PIP4K2B: variants seen among roughly 807,000 people sequenced by gnomAD.
PIP4K2B encodes the protein phosphatidylinositol 5-phosphate 4-kinase type-2 beta.
PIP4K2B carries 3 observed loss-of-function variants against 42.0 expected under a neutral mutation model. The ratio of observed to expected loss-of-function variants is 0.07; its 90% CI spans 0.03 to 0.18. The LOEUF (loss-of-function observed/expected upper bound fraction) is 0.18, where lower values mean the gene tolerates loss of function less well. Among genes scored for constraint, PIP4K2B ranks in the 10% least tolerant of loss-of-function variants. The pLI is 1.00. For synonymous variants in PIP4K2B, 204 were observed against 210.1 expected, an observed-to-expected ratio of 0.97 and a Z score of 0.25; for missense variants, 332 against 562.3, an observed-to-expected ratio of 0.59 and a Z score of 4.14.
intron 1 of PIP4K2B, 106 bp from the exon 2 acceptor site, chr17:38,787,026 T>C (rs982514020): frequency 2.5e-6 from 2 of 793,444 alleles, no homozygotes; most frequent in Admixed American, 1.9e-5. Flanking sequence ...ATGTCCAAGT[T>C]TCCCTCTCTG....
chr17:38,791,864 C>T (rs931441749), intron 1 of PIP4K2B, among the ~76,000 whole-genome samples: 3 of 150,380 alleles, frequency 2.0e-5, no homozygotes, highest in African/African-American at 4.9e-5. Context: ...CCGAGGCGGG[C>T]GGATCATGAG....
intron 1 of PIP4K2B, among the ~76,000 whole-genome samples, chr17:38,798,455 G>A (rs1567665617): frequency 2.0e-5 from 3 of 152,104 alleles, no homozygotes; most frequent in Non-Finnish European, 2.9e-5. Context: ...GGACCCAGGG[G>A]ACCTATCTCT....
chr17:38,790,160 T>C (rs1296715791), intron 1 of PIP4K2B, among the ~76,000 whole-genome samples: 1 of 152,132 alleles, frequency 6.6e-6, no homozygotes, highest in African/African-American at 2.4e-5. Context: ...TGTGATACCC[T>C]TCATTGGCTA....
At chr17:38,784,092 T>G in intron 3 of PIP4K2B, 151 bp downstream of exon 3, 2 of 579,852 alleles carry the variant, frequency 3.4e-6, no homozygotes, top group South Asian at 2.2e-5. Flanking sequence ...GGGCCCCCAG[T>G]GCTGGGGGAG....
chr17:38,776,154 G>C (rs1398356192), intron 7 of PIP4K2B: 1 of 373,510 alleles, frequency 2.7e-6, no homozygotes, highest in African/African-American at 2.2e-5. Flanking sequence ...ATTTTCAGTA[G>C]AGACTGGGTT....
intron 1 of PIP4K2B, among the ~76,000 whole-genome samples, chr17:38,797,925 G>T (rs1910742048): frequency 6.6e-6 from 1 of 152,122 alleles, no homozygotes; most frequent in Non-Finnish European, 1.5e-5. Flanking sequence ...ATCCTGGCAG[G>T]ACCCTCACTA....
chr17:38,791,379 C>T (rs1910330026), intron 1 of PIP4K2B, among the ~76,000 whole-genome samples: 1 of 148,766 alleles, frequency 6.7e-6, no homozygotes, highest in South Asian at 2.1e-4. Context: ...GCATTCAAGG[C>T]CTTTCCTAAT....
intron 1 of PIP4K2B, among the ~76,000 whole-genome samples, chr17:38,788,495 C>T (rs142310426): frequency 2.6e-5 from 4 of 152,108 alleles, no homozygotes; most frequent in African/African-American, 9.6e-5. Flanking sequence ...CCACTGCGCC[C>T]GGCTGTAATA....
chr17:38,789,302 G>A (rs1910216462), intron 1 of PIP4K2B, among the ~76,000 whole-genome samples: 1 of 152,214 alleles, frequency 6.6e-6, no homozygotes, highest in South Asian at 2.1e-4. Flanking sequence ...GATGAGGGCA[G>A]ATCCTGCCCT....
At position 38,791,689 on chromosome 17, in the gene PIP4K2B, G is replaced by A. The variant is rs1292906364; in HGVS notation, c.160-4769C>T. On this transcript the variant is annotated intron_variant, in intron 1 of 9. Coordinates refer to ENST00000619039, the MANE Select transcript of PIP4K2B (RefSeq NM_003559.5). Reference sequence around the variant, plus strand: ...CTCCCAAAGTGCTAGGATTACAGGCGTGAGCCACCGCGCCCAGCCAGACTG... The same window carrying A: ...CTCCCAAAGTGCTAGGATTACAGGCATGAGCCACCGCGCCCAGCCAGACTG... Among the ~76,000 whole-genome samples the A allele has an allele frequency of 8.6e-5, 13 of 150,758 alleles. No individual in the cohort carries two copies. In the East Asian group the frequency reaches 2.4e-3, roughly 28 times the overall value.
At chr17:38,770,206 G>C (rs549303520) in intron 9 of PIP4K2B, among the ~76,000 whole-genome samples, 1 of 152,236 alleles carries the variant, frequency 6.6e-6, no homozygotes, top group South Asian at 2.1e-4. Flanking sequence ...CCGAGGGCTG[G>C]AGAACTGGGG....
intron 1 of PIP4K2B, among the ~76,000 whole-genome samples, chr17:38,796,510 A>T (rs1910668113): frequency 1.3e-5 from 2 of 152,192 alleles, no homozygotes; most frequent in South Asian, 4.1e-4. Context: ...TTCATCCACT[A>T]AAACACTGGT....
intron 2 of PIP4K2B, among the ~76,000 whole-genome samples, 172 bp from the exon 3 acceptor site, chr17:38,784,511 C>T (rs368333112): frequency 2.6e-5 from 4 of 152,140 alleles, no homozygotes; most frequent in South Asian, 2.1e-4. Flanking sequence ...GCTGGGATTA[C>T]GGGCATGAGC....
Position 38,784,318 on chromosome 17 carries a change from A to G in PIP4K2B, c.279T>C (p.Phe93=). Residue 93 remains phenylalanine, a synonymous_variant, in exon 3 of 10, where the codon TTT becomes TTC. Transcript: ENST00000619039. ...CCATGGGGCAATACTCCTTAAACTT[A>G]AAGCGGCTGGGCAGGTTCTCCCTAG... is the stretch of plus-strand genomic sequence containing the variant. ...LFNKENLPSR[F]KFKEYCPMVF... 6.2e-7 allele frequency: 1 copy of G among 1,613,358 alleles called. No individual in the cohort carries two copies. Among genetic ancestry groups the G allele is most frequent in the Non-Finnish European group, 8.5e-7 (1 of 1,179,312 alleles).
chr17:38,775,650 G>T (rs897657869), intron 7 of PIP4K2B, among the ~76,000 whole-genome samples: 1 of 152,088 alleles, frequency 6.6e-6, no homozygotes, highest in Non-Finnish European at 1.5e-5. Flanking sequence ...GAGGTCAGGA[G>T]ATCGAAACCA....
intron 1 of PIP4K2B, among the ~76,000 whole-genome samples, chr17:38,792,435 A>C (rs918324629): frequency 2.0e-5 from 3 of 152,198 alleles, no homozygotes; most frequent in African/African-American, 7.2e-5. Context: ...TTGTACATAT[A>C]CAACAGAATA....
In PIP4K2B at chr17:38,784,351, C is replaced by T. The variant is rs745751178; in HGVS notation, c.258-12G>A. 4 of 1,510,472 alleles carry T rather than the reference C, an allele frequency of 2.6e-6. No homozygotes were observed. The Admixed American group carries it at 6.7e-5, about 25-fold the overall frequency. The allele number at this position is 1,510,472 out of a possible 1,614,324, so 93.6% of individuals were successfully genotyped here. A position where few individuals can be genotyped will look rare whatever the true frequency, so the allele number is the denominator to read the frequency against. On this transcript the variant is annotated splice_polypyrimidine_tract_variant and intron_variant, in intron 2 of 9. Transcript: ENST00000619039. The stretch of plus-strand genomic sequence containing the variant: ...TGGGCAGGTTCTCCCTAGGGAAAAG[C>T]AGAGATATGTCTTTGTGAACTGCCC...
At chr17:38,771,421 C>T (rs897771641) in intron 7 of PIP4K2B, 149 bp from the exon 8 acceptor site, 25 of 722,094 alleles carry the variant, frequency 3.5e-5, no homozygotes, top group Admixed American at 7.1e-5. Context: ...TCAGAGCACC[C>T]GCCCTCGCGA....
chr17:38,776,637 C>CG lies in PIP4K2B; in HGVS notation c.807+1049_807+1050insC, dbSNP rs1909364977. 7.1e-5 allele frequency: 31 copies of CG among 439,350 alleles called. No homozygotes were observed. The East Asian group carries it at 1.7e-3, about 24-fold the overall frequency. 27.2% of individuals were successfully genotyped at this position (439,350 alleles called of 1,614,324 possible). On this transcript the variant is annotated intron_variant, in intron 7 of 9. Coordinates refer to ENST00000619039, the MANE Select transcript of PIP4K2B (RefSeq NM_003559.5). Reference sequence around the variant, plus strand: ...AGAACGAGAATCTCCTAAAAAAAAACAAAACAAACAAACAAACAAAAAAAA... The same window carrying CG: ...AGAACGAGAATCTCCTAAAAAAAAACGAAAACAAACAAACAAACAAAAAAAA...
Sources: allele counts gnomAD v4.1 joint callset (sites outside exome capture counted in the v4.1 genomes callset), GRCh38; gene constraint gnomAD v4.1.1; transcripts MANE v1.5; gene names NCBI Gene and HGNC (gene_info 2026-07-23, HGNC 2026-07-21).